Variants in GPR19 observed in about 807,000 individuals in gnomAD.
The protein encoded by GPR19 is G protein-coupled receptor 19.
In GPR19, 14 loss-of-function variants were observed where a neutral mutation model predicts 28.5. The observed-to-expected ratio is 0.49, with a 90% CI of 0.32 to 0.77. The LOEUF (loss-of-function observed/expected upper bound fraction) is 0.77. Among genes scored for constraint, GPR19 ranks in the 30% least tolerant of loss-of-function variants. GPR19 has a pLI of 0.03. For synonymous variants in GPR19, 173 were observed against 184.1 expected, an observed-to-expected ratio of 0.94 and a Z score of 0.49; for missense variants, 409 against 504.1, an observed-to-expected ratio of 0.81 and a Z score of 1.81.
the GPR19 span, among the ~76,000 whole-genome samples, chr12:12,702,786 C>G: frequency 6.6e-6 from 1 of 152,162 alleles, no homozygotes; most frequent in African/African-American, 2.4e-5. Flanking sequence ...AATCCTGGCC[C>G]TCTAATTACA....
the GPR19 span, chr12:12,716,866 G>C: frequency 3.0e-6 from 3 of 984,392 alleles, no homozygotes; most frequent in Middle Eastern, 5.2e-4. Context: ...CCCAGCAAAC[G>C]CTCCGCGGCC....
At chr12:12,702,567 C>G in the GPR19 span, among the ~76,000 whole-genome samples, 1 of 152,074 alleles carries the variant, frequency 6.6e-6, no homozygotes, top group African/African-American at 2.4e-5. Context: ...TTAAAAGACC[C>G]TAGTTTTCTG....
the GPR19 span, among the ~76,000 whole-genome samples, chr12:12,714,338 C>T: frequency 6.6e-6 from 1 of 152,158 alleles, no homozygotes; most frequent in East Asian, 1.9e-4. Context: ...CGTGAACCTT[C>T]GCAGAAACAT....
chr12:12,716,821 A>C, the GPR19 span: 7 of 984,944 alleles, frequency 7.1e-6, no homozygotes, highest in African/African-American at 1.2e-4. Flanking sequence ...ACCAGCCCCC[A>C]GCAAAGGCAC....
chr12:12,661,421 T>A lies in GPR19; in HGVS notation c.1028A>T (p.Glu343Val), dbSNP rs773883013. 17 of 1,613,306 alleles carry A rather than the reference T, an allele frequency of 1.1e-5. No individual in the cohort carries two copies. The highest frequency in any genetic ancestry group is 1.4e-5 in the Non-Finnish European group (16 of 1,179,336). The part of the protein sequence containing the change: ...YNANFRRGMK[E>V]TFCMSSMKCY... Reference sequence around the variant, plus strand: ...TTTCATAGAGGACATGCAAAAAGTCTCTTTCATCCCTCTCCGAAAATTGGC... The same window carrying A: ...TTTCATAGAGGACATGCAAAAAGTCACTTTCATCCCTCTCCGAAAATTGGC... Residue 343 changes from glutamate to valine, a missense_variant, in exon 4 of 4, where the codon GAG (glutamate) becomes GTG (valine). Physicochemically the swap from Glu to Val is moderately radical, Grantham distance 121 (BLOSUM62 -2). Transcript: ENST00000651487. This position sits in a 1 kb window ranked among gnomAD's most constrained non-coding sequence, Gnocchi z 4.2.
the GPR19 span, among the ~76,000 whole-genome samples, chr12:12,713,094 ACT>A: frequency 8.7e-6 from 1 of 115,146 alleles, no homozygotes; most frequent in Non-Finnish European, 1.7e-5. Flanking sequence ...ACAGAGTCTC[ACT>A]CTGTCTCTCC....
rs1305500130 is a variant in GPR19 at position 12,661,273 on chromosome 12, T to A, written c.1176A>T (p.Ser392=). The A allele has an allele frequency of 6.2e-7, 1 of 1,613,592 alleles. No individual in the cohort carries two copies. Residue 392 remains serine, a synonymous_variant, in exon 4 of 4, where the codon TCA becomes TCT. Transcript: ENST00000651487. The surrounding 1 kb of genome is among the most constrained non-coding windows in gnomAD (Gnocchi z 4.2). ...TTTTTTCCTTGGCTTCTCTGTCAAATGAGTCATAGATCGAGTCTTTGGTAA... is the reference window on the plus strand; with the variant it reads ...TTTTTTCCTTGGCTTCTCTGTCAAAAGAGTCATAGATCGAGTCTTTGGTAA... ...KTITKDSIYD[S]FDREAKEKKL... is the part of the protein sequence containing the mutation.
At chr12:12,717,183 C>T in the GPR19 span, 5 of 1,044,894 alleles carry the variant, frequency 4.8e-6, no homozygotes, top group African/African-American at 8.4e-5. Context: ...CTCCAGCAGT[C>T]ACGCGACCAG....
At chr12:12,716,137 G>C in the GPR19 span, among the ~76,000 whole-genome samples, 3 of 152,246 alleles carry the variant, frequency 2.0e-5, no homozygotes, top group East Asian at 5.8e-4. Flanking sequence ...CTTCCACCAC[G>C]GTGCTCAAGC....
upstream of GPR19, chr12:12,696,339 CTTTTT>C (rs578240364): frequency 4.2e-4 from 37 of 88,642 alleles, no homozygotes; most frequent in African/African-American, 1.3e-3. Context: ...CCCACCCGCC[CTTTTT>C]TTTTTTTTTT....
At chr12:12,680,248 G>C (rs999640661) in intron 3 of GPR19, among the ~76,000 whole-genome samples, 2 of 152,242 alleles carry the variant, frequency 1.3e-5, no homozygotes, top group Non-Finnish European at 2.9e-5. Flanking sequence ...CCTGGATTCA[G>C]ATCCTGACTC....
In GPR19 at chr12:12,661,990, G is replaced by A. The variant is rs761134293; in HGVS notation, c.459C>T (p.Ile153=). The change falls in exon 4 of 4, where the codon ATC becomes ATT. Residue 153 remains isoleucine, a synonymous_variant. Coordinates refer to ENST00000651487, the MANE Select transcript of GPR19 (RefSeq NM_006143.3). The surrounding 1 kb of genome is among the most constrained non-coding windows in gnomAD (Gnocchi z 4.2). ...YFQYLTPGVQ[I]YVLLSICIDR... ...CTATGCAGATGGAGAGGAGAACGTA[G>A]ATCTGGACACCTGGAGTGAGATATT... 1.9e-5 allele frequency: 30 copies of A among 1,614,088 alleles called. No homozygotes were observed. The highest frequency in any genetic ancestry group is 2.2e-5 in the Non-Finnish European group (26 of 1,180,030).
chr12:12,715,767 C>T, the GPR19 span: 10,715 of 152,260 alleles, frequency 0.07, 502 homozygotes, highest in South Asian at 0.13. Context: ...GAATGCATGT[C>T]CCTGGACAGG....
At chr12:12,686,857 T>C (rs1412089713) in intron 2 of GPR19, among the ~76,000 whole-genome samples, 1 of 152,248 alleles carries the variant, frequency 6.6e-6, no homozygotes, top group Non-Finnish European at 1.5e-5. Flanking sequence ...AACATATTTA[T>C]TCCTTCCAGG....
chr12:12,662,214 A>G lies in GPR19; in HGVS notation c.235T>C (p.Ser79Pro). Residue 79 changes from serine to proline, a missense_variant, in exon 4 of 4, where the codon TCT becomes CCT. Transcript: ENST00000651487. ...SIFFGILWLF[S>P]IFGNSLVCLV... The stretch of plus-strand genomic sequence containing the variant: ...CAAACCAGGGAATTGCCGAAGATAG[A>G]AAACAACCACAGAATCCCAAAGAAG... 1 of 1,614,210 alleles carries G rather than the reference A, an allele frequency of 6.2e-7. No homozygotes were observed. The highest frequency in any genetic ancestry group is 8.5e-7 in the Non-Finnish European group (1 of 1,180,036).
chr12:12,697,032 CTTA>C (rs995700441), upstream of GPR19, among the ~76,000 whole-genome samples: 22 of 151,952 alleles, frequency 1.4e-4, no homozygotes, highest in African/African-American at 1.9e-4. Context: ...CATTTAGTTA[CTTA>C]TTTAGAATGT....
chr12:12,666,518 G>T (rs1315687340), intron 3 of GPR19, among the ~76,000 whole-genome samples: 1 of 152,190 alleles, frequency 6.6e-6, no homozygotes, highest in Non-Finnish European at 1.5e-5. Context: ...CTGGGTGTCG[G>T]ATGTTTCAAA....
chr12:12,661,894 C>A lies in GPR19; in HGVS notation c.555G>T (p.Ala185=). 3.1e-6 allele frequency: 5 copies of A among 1,614,164 alleles called. No individual in the cohort carries two copies. The highest frequency in any genetic ancestry group is 4.2e-6 in the Non-Finnish European group (5 of 1,180,022). The change falls in exon 4 of 4, where the codon GCG becomes GCT. Residue 185 remains alanine (A), a synonymous_variant. Coordinates refer to ENST00000651487, the MANE Select transcript of GPR19 (RefSeq NM_006143.3). The surrounding 1 kb of genome is among the most constrained non-coding windows in gnomAD (Gnocchi z 4.2). ...AGCCTGCATCAAAGACCCACGATGC[C>A]GCAATCATTTTCTTGGCTTTTTCTC... ...VSREKAKKMI[A]ASWVFDAGFV...
At chr12:12,696,945 C>T (rs1435036651), upstream of GPR19, among the ~76,000 whole-genome samples, 1 of 151,972 alleles carries the variant, frequency 6.6e-6, no homozygotes, top group Non-Finnish European at 1.5e-5. Context: ...TCTAATGAAC[C>T]TGAGGAAAAC....
Sources: gnomAD v4.1 joint callset for allele counts (sites outside exome capture counted in the v4.1 genomes callset) on GRCh38, gnomAD v4.1.1 for gene constraint, Gnocchi (gnomAD v3.1) non-coding constraint, MANE v1.5 for transcripts, NCBI Gene and HGNC (gene_info 2026-07-23, HGNC 2026-07-21) for gene names.